Variants in GRK5 observed in about 807,000 individuals in gnomAD.
The protein encoded by GRK5 is g protein-coupled receptor kinase GRK5.
In GRK5, 40 loss-of-function variants were observed where a neutral mutation model predicts 78.4. The ratio of observed to expected loss-of-function variants is 0.51; its 90% CI spans 0.40 to 0.66. The LOEUF (loss-of-function observed/expected upper bound fraction) is 0.66. GRK5 is among the 30% of genes least tolerant of loss of function. GRK5 has a pLI of 0.00. For missense variants in GRK5, 598 were observed against 759.9 expected (o/e 0.79, Z 2.50); for synonymous variants, 289 against 296.8 (o/e 0.97, Z 0.27).
chr10:119,259,095 C>T (rs1330587333), intron 1 of GRK5, among the ~76,000 whole-genome samples: 4 of 138,830 alleles, frequency 2.9e-5, no homozygotes, highest in Admixed American at 1.5e-4. Context: ...GACAGAGTCT[C>T]GCTCTTTCGC....
chr10:119,431,949 G>A lies in GRK5; in HGVS notation c.738+422G>A, dbSNP rs950515615. On this transcript the variant is annotated intron_variant, in intron 8 of 15. Coordinates refer to ENST00000392870, the MANE Select transcript of GRK5 (RefSeq NM_005308.3). This position sits in a 1 kb window ranked among gnomAD's most constrained non-coding sequence, Gnocchi z 4.8. ...GCACTATCAAGTCTGTGTGCATTGT[G>A]TTAGTCAGTCTAGGCTGGGCCCTGC... 2.6e-5 allele frequency among the ~76,000 whole-genome samples: 4 copies of A among 152,348 alleles called. No individual in the cohort carries two copies. The highest frequency in any genetic ancestry group is 2.1e-4 in the South Asian group (1 of 4,830).
chr10:119,307,564 G>C (rs1850291940), intron 1 of GRK5, among the ~76,000 whole-genome samples: 1 of 152,124 alleles, frequency 6.6e-6, no homozygotes, highest in Non-Finnish European at 1.5e-5. Flanking sequence ...AATAGAGGTG[G>C]CCTGTAGATT....
At chr10:119,291,900 T>C (rs1264211495) in intron 1 of GRK5, among the ~76,000 whole-genome samples, 3 of 132,342 alleles carry the variant, frequency 2.3e-5, no homozygotes, top group African/African-American at 2.9e-5. Flanking sequence ...GCTCATCTTC[T>C]TCCTCCTCCT....
chr10:119,451,729 G>A (rs1430847212), intron 13 of GRK5, among the ~76,000 whole-genome samples: 1 of 152,230 alleles, frequency 6.6e-6, no homozygotes, highest in Non-Finnish European at 1.5e-5. Flanking sequence ...GCCTTGAGCT[G>A]GAGACCAGAG....
rs905726299 is a variant in GRK5 at position 119,243,759 on chromosome 10, G to A, written c.52+35790G>A. Among the ~76,000 whole-genome samples, 5 of 152,104 alleles carry A rather than the reference G, an allele frequency of 3.3e-5. No homozygotes were observed. In the East Asian group the frequency reaches 9.6e-4, roughly 29 times the overall value. The stretch of plus-strand genomic sequence containing the variant: ...TGGGAAGGATGGTGGGGGTCATGTG[G>A]AATGACTTACTGAAGAAGGGGATGA... On this transcript the variant is annotated intron_variant, in intron 1 of 15. Transcript: ENST00000392870.
At chr10:119,295,312 C>T (rs1030038969) in intron 1 of GRK5, among the ~76,000 whole-genome samples, 4 of 151,802 alleles carry the variant, frequency 2.6e-5, no homozygotes, top group Non-Finnish European at 5.9e-5. Flanking sequence ...ACACAGTTGG[C>T]GCTCAATAGA....
rs541100785 is a variant in GRK5, at chr10:119,452,343, C to T, written c.1405-328C>T. Reference sequence around the variant, plus strand: ...GCAGGAATGAGCCCTGGGCTGGGCACCCAGGTGCCCCGAGCTCCTGTGTCA... The same window carrying T: ...GCAGGAATGAGCCCTGGGCTGGGCATCCAGGTGCCCCGAGCTCCTGTGTCA... On this transcript the variant is annotated intron_variant, in intron 13 of 15. Transcript: ENST00000392870. The surrounding 1 kb of genome is among the most constrained non-coding windows in gnomAD (Gnocchi z 4.4). The T allele has an allele frequency of 1.7e-4, 54 of 315,776 alleles. No homozygotes were observed. The Middle Eastern group carries it at 3.8e-3, about 22-fold the overall frequency. 19.6% of individuals were successfully genotyped at this position (315,776 alleles called of 1,614,324 possible). A position where few individuals can be genotyped will look rare whatever the true frequency, so the allele number is the denominator to read the frequency against.
chr10:119,388,204 C>CT (rs1358688291), intron 3 of GRK5, among the ~76,000 whole-genome samples: 1 of 152,084 alleles, frequency 6.6e-6, no homozygotes, highest in Non-Finnish European at 1.5e-5. Context: ...ATGCTTCCAC[C>CT]TTGGCTTCCC....
chr10:119,418,698 T>A (rs1471587012), intron 4 of GRK5, among the ~76,000 whole-genome samples: 1 of 152,180 alleles, frequency 6.6e-6, no homozygotes, highest in Non-Finnish European at 1.5e-5. Flanking sequence ...CTCCTTCCAG[T>A]TAACTTGATC....
chr10:119,358,458 C>T (rs192135116), intron 2 of GRK5, among the ~76,000 whole-genome samples: 46 of 152,310 alleles, frequency 3.0e-4, no homozygotes, highest in African/African-American at 1.1e-3. Context: ...GCCCTCCACC[C>T]GGCAGCCTGG....
At chr10:119,215,832 CAATT>C (rs202191111) in intron 1 of GRK5, among the ~76,000 whole-genome samples, 1,768 of 152,118 alleles carry the variant, frequency 0.012, 33 homozygotes, top group African/African-American at 0.04. Context: ...TTTAAAAAAA[CAATT>C]AAGTTGCATA....
At chr10:119,415,481 G>A (rs1470957044) in intron 4 of GRK5, among the ~76,000 whole-genome samples, 1 of 152,182 alleles carries the variant, frequency 6.6e-6, no homozygotes, top group Non-Finnish European at 1.5e-5. Flanking sequence ...GCTGTGTGGT[G>A]CAGAAAAACT....
rs1371523764 is a variant in GRK5, at chr10:119,379,265, A to T, written c.149-1550A>T. Among the ~76,000 whole-genome samples, 2 of 152,164 alleles carry T rather than the reference A, an allele frequency of 1.3e-5. No homozygotes were observed. The highest frequency in any genetic ancestry group is 4.8e-5 in the African/African-American group (2 of 41,420). On this transcript the variant is annotated intron_variant, in intron 2 of 15. Coordinates refer to ENST00000392870, the MANE Select transcript of GRK5 (RefSeq NM_005308.3). The surrounding 1 kb of genome is among the most constrained non-coding windows in gnomAD (Gnocchi z 4.1). ...TTACCGTCCGCAGTTTACAGACTAG[A>T]CAACTGAGGGGCAGTGTCAAGCCTG...
At chr10:119,254,797 G>A (rs1783543956) in intron 1 of GRK5, among the ~76,000 whole-genome samples, 1 of 152,136 alleles carries the variant, frequency 6.6e-6, no homozygotes, top group African/African-American at 2.4e-5. Flanking sequence ...GCTCACGCCT[G>A]TAATCTCAGC....
chr10:119,373,180 A>G (rs760219419), intron 2 of GRK5, among the ~76,000 whole-genome samples: 6 of 152,244 alleles, frequency 3.9e-5, no homozygotes, highest in Non-Finnish European at 7.3e-5. Context: ...GAAATTTAAA[A>G]AACTGGTTCT....
At chr10:119,416,917 AGTT>A (rs1362156585) in intron 4 of GRK5, among the ~76,000 whole-genome samples, 5 of 152,050 alleles carry the variant, frequency 3.3e-5, no homozygotes, top group Admixed American at 1.3e-4. Context: ...TTTTCCCCTC[AGTT>A]GTTGTTGCAG....
At chr10:119,263,282 C>T (rs1373343646) in intron 1 of GRK5, among the ~76,000 whole-genome samples, 3 of 152,186 alleles carry the variant, frequency 2.0e-5, no homozygotes, top group Non-Finnish European at 4.4e-5. Flanking sequence ...GCTGGGATTA[C>T]AGGTGTGAGC....
In GRK5 at chr10:119,450,544, G is replaced by A. The variant is rs543140305; in HGVS notation, c.1405-2127G>A. On this transcript the variant is annotated intron_variant, in intron 13 of 15. Transcript: ENST00000392870. ...CACCCAGGCATGGCTGGAGAAAAGC[G>A]CTCCAGGCCCTGGAAGCAGCATGTG... Among the ~76,000 whole-genome samples the A allele has an allele frequency of 5.3e-5, 8 of 152,192 alleles. No individual in the cohort carries two copies. In the East Asian group the frequency reaches 7.7e-4, roughly 15 times the overall value.
rs140252154 is a variant in GRK5 at position 119,407,078 on chromosome 10, G to A, written c.339+10306G>A. 9.9e-4 allele frequency among the ~76,000 whole-genome samples: 151 copies of A among 152,310 alleles called. 6 individuals are homozygous for A. In the East Asian group the frequency reaches 0.028, roughly 28 times the overall value. ...GCAGTTTTATCTGCAGATTCCCAGC[G>A]TGCAAACAGATAAAAAGATCTGTGG... On this transcript the variant is annotated intron_variant, in intron 4 of 15. Transcript: ENST00000392870.
Sources: gnomAD v4.1 joint callset for allele counts (sites outside exome capture counted in the v4.1 genomes callset) on GRCh38, gnomAD v4.1.1 for gene constraint, Gnocchi (gnomAD v3.1) non-coding constraint, MANE v1.5 for transcripts, NCBI Gene and HGNC (gene_info 2026-07-23, HGNC 2026-07-21) for gene names.